The following UBE2D2 variants were observed in gnomAD, a reference collection of about 807,000 sequenced individuals.
UBE2D2 encodes the protein ubiquitin conjugating enzyme E2 D2, also known as ubiquitin-conjugating enzyme E2 D2.
UBE2D2 carries 2 observed loss-of-function variants against 24.2 expected under a neutral mutation model. The observed-to-expected ratio is 0.08, with a 90% CI of 0.03 to 0.26. The LOEUF (loss-of-function observed/expected upper bound fraction) is 0.26. Ranked by LOEUF, UBE2D2 falls within the 10% of genes least tolerant of loss-of-function variation. UBE2D2 has a pLI of 1.00. For synonymous variants in UBE2D2, 58 were observed against 56.5 expected (o/e 1.03, Z -0.12); for missense variants, 44 against 177.6 (o/e 0.25, Z 4.28).
chr5:139,602,956 G>T (rs1581522911), intron 2 of UBE2D2, among the ~76,000 whole-genome samples: 1 of 152,146 alleles, frequency 6.6e-6, no homozygotes, highest in Non-Finnish European at 1.5e-5. Context: ...TACACACGTT[G>T]TCTCATTTAA....
rs181195314 is a variant in UBE2D2 at position 139,594,016 on chromosome 5, A to G, written c.25-6356A>G. On this transcript the variant is annotated intron_variant, in intron 1 of 6. Transcript: ENST00000398733. ...CGATTTGTATAGCAATATTCAGACTACTAAAACTTGACTTTAGAGCCATTT... is the reference window on the plus strand; with the variant it reads ...CGATTTGTATAGCAATATTCAGACTGCTAAAACTTGACTTTAGAGCCATTT... Among the ~76,000 whole-genome samples the G allele has an allele frequency of 2.6e-4, 40 of 152,352 alleles. 1 individual carries two copies. Among genetic ancestry groups the G allele is most frequent in the African/African-American group, 9.1e-4 (38 of 41,592 alleles).
chr5:139,529,081 A>G (rs1164460145), intron 1 of UBE2D2, among the ~76,000 whole-genome samples: 1 of 152,204 alleles, frequency 6.6e-6, no homozygotes, highest in African/African-American at 2.4e-5. Context: ...CCCAGTATAT[A>G]CATCAGGTCA....
At chr5:139,592,835 C>A (rs1254661535) in intron 1 of UBE2D2, among the ~76,000 whole-genome samples, 3 of 151,618 alleles carry the variant, frequency 2.0e-5, no homozygotes, top group Non-Finnish European at 4.4e-5. Context: ...GATCTCCTGA[C>A]CTCGTGATCT....
At chr5:139,548,193 A>AAAAAAAAAAAAAAAAAATAAAAAT in intron 1 of UBE2D2, among the ~76,000 whole-genome samples, 2 of 47,100 alleles carry the variant, frequency 4.2e-5, no homozygotes, top group East Asian at 1.3e-3. Context: ...ATAAAAAAAA[A>AAAAAAAAAAAAAAAAAATAAAAAT]AAATAAATAA....
At chr5:139,555,115 G>A (rs1053813625) in intron 1 of UBE2D2, 2 of 150,072 alleles carry the variant, frequency 1.3e-5, no homozygotes, top group African/African-American at 4.9e-5. Context: ...GCACAATCTT[G>A]GCTAACTGCA....
intron 2 of UBE2D2, among the ~76,000 whole-genome samples, chr5:139,608,913 A>G (rs1030099648): frequency 1.3e-5 from 2 of 151,896 alleles, no homozygotes; most frequent in Non-Finnish European, 2.9e-5. Context: ...GGTGAAACCC[A>G]GTCTCCACTA....
chr5:139,586,337 T>C (rs1753724513), intron 1 of UBE2D2, among the ~76,000 whole-genome samples: 1 of 152,224 alleles, frequency 6.6e-6, no homozygotes, highest in Non-Finnish European at 1.5e-5. Flanking sequence ...TAAAACTGCT[T>C]TTCCCATAGC....
chr5:139,549,124 G>A (rs1338314413), intron 1 of UBE2D2, among the ~76,000 whole-genome samples: 5 of 152,180 alleles, frequency 3.3e-5, no homozygotes, highest in African/African-American at 9.7e-5. Context: ...CTAGGTTACA[G>A]GTGTGAGCCA....
At chr5:139,625,478 C>T (rs1262160252) in intron 6 of UBE2D2, among the ~76,000 whole-genome samples, 1 of 120,582 alleles carries the variant, frequency 8.3e-6, no homozygotes, top group Admixed American at 1.1e-4. Context: ...GGGTCTTGCT[C>T]TGTTGCCCGG....
chr5:139,543,428 T>G (rs1050243126), intron 1 of UBE2D2, among the ~76,000 whole-genome samples: 8 of 152,228 alleles, frequency 5.3e-5, no homozygotes, highest in Admixed American at 5.2e-4. Flanking sequence ...CTGCCTTCCG[T>G]GGGCCCAGCT....
chr5:139,566,807 C>G (rs1344641287), intron 1 of UBE2D2, among the ~76,000 whole-genome samples: 1 of 151,950 alleles, frequency 6.6e-6, no homozygotes, highest in Non-Finnish European at 1.5e-5. Flanking sequence ...TGCTAACCAG[C>G]TCCCTGCAAA....
intron 1 of UBE2D2, among the ~76,000 whole-genome samples, chr5:139,593,686 A>T (rs1478297796): frequency 6.6e-6 from 1 of 152,064 alleles, no homozygotes; most frequent in Non-Finnish European, 1.5e-5. Flanking sequence ...GGCACGATCC[A>T]CTGCAGCCTT....
intron 1 of UBE2D2, among the ~76,000 whole-genome samples, chr5:139,553,673 G>T (rs567621387): frequency 9.2e-5 from 14 of 152,108 alleles, no homozygotes; most frequent in South Asian, 2.1e-4. Flanking sequence ...ATTATATAAG[G>T]CCTGAAAATT....
At chr5:139,557,115 G>C (rs1359157418), upstream of UBE2D2, among the ~76,000 whole-genome samples, 2 of 151,300 alleles carry the variant, frequency 1.3e-5, no homozygotes, top group Non-Finnish European at 2.9e-5. Context: ...TTACAGGTAT[G>C]AGTCACTGTG....
intron 1 of UBE2D2, among the ~76,000 whole-genome samples, chr5:139,574,469 C>G (rs1346125497): frequency 6.6e-6 from 1 of 151,820 alleles, no homozygotes. Flanking sequence ...TCTTCTCACC[C>G]CATCCCCTAC....
In UBE2D2 at chr5:139,567,139, G is replaced by A. The variant is rs192422714; in HGVS notation, c.24+5324G>A. Among the ~76,000 whole-genome samples the A allele has an allele frequency of 2.4e-3, 358 of 152,104 alleles. 2 individuals are homozygous for A. Among genetic ancestry groups the A allele is most frequent in the African/African-American group, 7.8e-3 (322 of 41,490 alleles). On this transcript the variant is annotated intron_variant, in intron 1 of 6. Coordinates refer to ENST00000398733, the MANE Select transcript of UBE2D2 (RefSeq NM_003339.3). ...TTTTGAGATGGAGTCTTGCTCTGTCGCCCAGGCTGGAGTGCAGTGGCATGA... is the reference window on the plus strand; with the variant it reads ...TTTTGAGATGGAGTCTTGCTCTGTCACCCAGGCTGGAGTGCAGTGGCATGA...
Position 139,594,584 on chromosome 5 carries a change from T to C in UBE2D2, c.25-5788T>C, listed in dbSNP as rs751222842. Among the ~76,000 whole-genome samples the C allele has an allele frequency of 4.8e-4, 73 of 152,122 alleles. 1 individual carries two copies. The highest frequency in any genetic ancestry group is 3.4e-3 in the Middle Eastern group (1 of 292). On this transcript the variant is annotated intron_variant, in intron 1 of 6. Coordinates refer to ENST00000398733, the MANE Select transcript of UBE2D2 (RefSeq NM_003339.3). ...ACACACCACCACACCCGACTAATTT[T>C]TGTATTTTTAGTACAGTCCAGGTTT...
intron 1 of UBE2D2, among the ~76,000 whole-genome samples, chr5:139,550,569 G>A (rs975221129): frequency 2.0e-5 from 3 of 152,094 alleles, no homozygotes; most frequent in East Asian, 3.9e-4. Context: ...CCACGCTCAC[G>A]CTATGGGAGT....
chr5:139,597,988 A>G (rs969510186), intron 1 of UBE2D2, among the ~76,000 whole-genome samples: 1 of 151,588 alleles, frequency 6.6e-6, no homozygotes, highest in African/African-American at 2.4e-5. Flanking sequence ...TGCCAGCTCC[A>G]CCTCCCGGGT....
Sources: gnomAD v4.1 joint callset for allele counts (sites outside exome capture counted in the v4.1 genomes callset) on GRCh38, gnomAD v4.1.1 for gene constraint, MANE v1.5 for transcripts, NCBI Gene and HGNC (gene_info 2026-07-23, HGNC 2026-07-21) for gene names.